Variants in XRCC4 observed in about 807,000 individuals in gnomAD.
The protein encoded by XRCC4 is X-ray repair cross complementing 4.
In XRCC4, 28 loss-of-function variants were observed where a neutral mutation model predicts 39.1. That is an observed-to-expected ratio of 0.72 (90% CI 0.53 to 0.98). The LOEUF is 0.98. Ranked by LOEUF, XRCC4 falls within the 50% of genes least tolerant of loss-of-function variation. The probability of loss-of-function intolerance (pLI) is 0.00; values close to 1 mark genes in which losing one functional copy is unlikely to be tolerated. For missense variants in XRCC4, 350 were observed against 376.4 expected (o/e 0.93, Z 0.58); for synonymous variants, 123 against 126.4 (o/e 0.97, Z 0.18).
chr5:83,098,944 CT>C (rs1465082383), intron 1 of XRCC4, among the ~76,000 whole-genome samples: 1 of 151,944 alleles, frequency 6.6e-6, no homozygotes, highest in Non-Finnish European at 1.5e-5. Flanking sequence ...CCTTTCTTTC[CT>C]TTTTTCTAGC....
intron 1 of XRCC4, among the ~76,000 whole-genome samples, chr5:83,088,554 T>C (rs1192042266): frequency 6.6e-6 from 1 of 152,236 alleles, no homozygotes; most frequent in Admixed American, 6.5e-5. Flanking sequence ...GAATAGCTTT[T>C]CAGATCAGCA....
At chr5:83,257,120 A>C (rs1212660229) in intron 6 of XRCC4, among the ~76,000 whole-genome samples, 1 of 152,190 alleles carries the variant, frequency 6.6e-6, no homozygotes, top group Admixed American at 6.6e-5. Context: ...ACAGAGTGAG[A>C]ACTCAACATG....
chr5:83,269,643 A>G (rs1754069968), intron 7 of XRCC4, among the ~76,000 whole-genome samples: 1 of 152,130 alleles, frequency 6.6e-6, no homozygotes, highest in Non-Finnish European at 1.5e-5. Flanking sequence ...AAAATATTAT[A>G]CACTAGCATA....
intron 7 of XRCC4, among the ~76,000 whole-genome samples, chr5:83,303,250 AG>A (rs1375983975): frequency 7.9e-5 from 12 of 151,216 alleles, no homozygotes; most frequent in Non-Finnish European, 1.3e-4. Context: ...AAACTTGGGT[AG>A]TAAGAATCTA....
At chr5:83,300,486 T>C (rs1755239763) in intron 7 of XRCC4, among the ~76,000 whole-genome samples, 1 of 151,726 alleles carries the variant, frequency 6.6e-6, no homozygotes, top group Non-Finnish European at 1.5e-5. Flanking sequence ...AGAATAACCT[T>C]ATGGGCAAAG....
intron 6 of XRCC4, among the ~76,000 whole-genome samples, chr5:83,209,100 G>A (rs1751535251): frequency 6.6e-6 from 1 of 151,532 alleles, no homozygotes; most frequent in Non-Finnish European, 1.5e-5. Flanking sequence ...GTGTGTGTGT[G>A]TGTGTGTGTG....
intron 6 of XRCC4, among the ~76,000 whole-genome samples, chr5:83,215,152 A>G (rs1349056554): frequency 1.3e-5 from 2 of 152,042 alleles, no homozygotes; most frequent in African/African-American, 4.8e-5. Context: ...CCTGGGCAAT[A>G]TGGCAAAACT....
chr5:83,309,296 A>ATATAT (rs1318501153), intron 7 of XRCC4, among the ~76,000 whole-genome samples: 1 of 72,232 alleles, frequency 1.4e-5, no homozygotes, highest in African/African-American at 8.5e-5. Flanking sequence ...AAAAAAAAAA[A>ATATAT]ATATATATAT....
chr5:83,094,397 T>TCTCCTCTCCCCTCTC (rs1485088649), intron 1 of XRCC4, among the ~76,000 whole-genome samples: 3 of 128,734 alleles, frequency 2.3e-5, no homozygotes, highest in African/African-American at 8.7e-5. Context: ...TCTCCCCTCT[T>TCTCCTCTCCCCTCTC]CTCCTCTCCC....
intron 6 of XRCC4, among the ~76,000 whole-genome samples, chr5:83,257,455 A>G (rs1753584774): frequency 2.0e-5 from 3 of 151,996 alleles, no homozygotes. Context: ...ATCACTGGCC[A>G]TTACAGAAAT....
intron 3 of XRCC4, among the ~76,000 whole-genome samples, chr5:83,121,740 C>T (rs1210453353): frequency 6.6e-6 from 1 of 152,010 alleles, no homozygotes; most frequent in Non-Finnish European, 1.5e-5. Flanking sequence ...TTTTATTAAT[C>T]ATGCTTTGAG....
At chr5:83,227,385 G>C (rs531156493) in intron 6 of XRCC4, among the ~76,000 whole-genome samples, 1 of 152,148 alleles carries the variant, frequency 6.6e-6, no homozygotes, top group East Asian at 1.9e-4. Flanking sequence ...TACCTTGAAA[G>C]TACATTACTG....
At chr5:83,361,985 TTACCTTC>T in the XRCC4 span, among the ~76,000 whole-genome samples, 9 of 152,136 alleles carry the variant, frequency 5.9e-5, no homozygotes, top group Non-Finnish European at 1.2e-4. Context: ...ACAATTCCTG[TTACCTTC>T]TCATGCAAAG....
chr5:83,224,319 G>A (rs1268381666), intron 6 of XRCC4, among the ~76,000 whole-genome samples: 2 of 151,876 alleles, frequency 1.3e-5, no homozygotes, highest in African/African-American at 4.8e-5. Context: ...CCTAAGGTTT[G>A]CATAAAACAT....
chr5:83,332,187 A>G (rs1342867258), intron 7 of XRCC4, among the ~76,000 whole-genome samples: 1 of 150,546 alleles, frequency 6.6e-6, no homozygotes, highest in African/African-American at 2.5e-5. Flanking sequence ...GAAAAATCCT[A>G]AGCTTAAACT....
At chr5:83,270,541 C>A (rs1312366154) in intron 7 of XRCC4, among the ~76,000 whole-genome samples, 2 of 151,982 alleles carry the variant, frequency 1.3e-5, no homozygotes, top group African/African-American at 4.8e-5. Context: ...ACTTCTCTGA[C>A]CTCTAAACTG....
chr5:83,345,193 G>A (rs1756881820), intron 7 of XRCC4, among the ~76,000 whole-genome samples: 1 of 152,070 alleles, frequency 6.6e-6, no homozygotes, highest in African/African-American at 2.4e-5. Context: ...TAAGGTATCT[G>A]TTGATAAACA....
At chr5:83,254,547 C>T (rs928980096) in intron 6 of XRCC4, among the ~76,000 whole-genome samples, 1 of 152,084 alleles carries the variant, frequency 6.6e-6, no homozygotes, top group Non-Finnish European at 1.5e-5. Context: ...AATTATTGCA[C>T]TCAAATATAT....
chr5:83,116,549 A>G (rs998312490), intron 3 of XRCC4, among the ~76,000 whole-genome samples: 3 of 148,812 alleles, frequency 2.0e-5, no homozygotes, highest in Non-Finnish European at 4.5e-5. Context: ...AATACCTGAT[A>G]TTTTGAAAAT....
Sources: gnomAD v4.1 joint callset for allele counts (sites outside exome capture counted in the v4.1 genomes callset) on GRCh38, gnomAD v4.1.1 for gene constraint, MANE v1.5 for transcripts, NCBI Gene and HGNC (gene_info 2026-07-23, HGNC 2026-07-21) for gene names.